The following FAAH2 variants were observed in gnomAD, a reference collection of about 807,000 sequenced individuals.
FAAH2 encodes the protein fatty acid amide hydrolase 2, also known as fatty-acid amide hydrolase 2.
In FAAH2, 60 loss-of-function variants were observed where a neutral mutation model predicts 36.9. The observed-to-expected ratio is 1.63, with a 90% CI of 1.32 to 2.02. FAAH2 has a LOEUF of 2.02. Ranked by LOEUF, FAAH2 falls within the 30% of genes most tolerant of loss-of-function variation. The pLI, the probability that FAAH2 is intolerant of heterozygous loss-of-function variation, is 0.00. For missense variants in FAAH2, 689 were observed against 397.5 expected (o/e 1.73, Z -6.23); for synonymous variants, 214 against 143.8 (o/e 1.49, Z -3.49).
At chrX:57,215,325 A>G in the FAAH2 span, among the ~76,000 whole-genome samples, 2 of 111,520 alleles carry the variant, frequency 1.8e-5, no homozygotes, top group Non-Finnish European at 3.8e-5. Context: ...ACAGATGCTG[A>G]TGAGGCTGTG....
the FAAH2 span, among the ~76,000 whole-genome samples, chrX:57,260,826 C>A: frequency 9.0e-6 from 1 of 110,627 alleles, no homozygotes; most frequent in Non-Finnish European, 1.9e-5. Context: ...CAGAAAAGTG[C>A]AAATTAAAAT....
At chrX:57,223,000 G>T in the FAAH2 span, among the ~76,000 whole-genome samples, 1 of 111,798 alleles carries the variant, frequency 8.9e-6, no homozygotes, top group Non-Finnish European at 1.9e-5. Context: ...TCTTCCTCAA[G>T]CTCTCACTCT....
At chrX:57,441,404 A>G (rs2056551857) in intron 8 of FAAH2, among the ~76,000 whole-genome samples, 2 of 111,312 alleles carry the variant, frequency 1.8e-5, no homozygotes, top group Admixed American at 9.5e-5. Context: ...TGTTTATACT[A>G]TTCTCTGATG....
At chrX:57,442,000 A>C (rs1021806242) in intron 8 of FAAH2, among the ~76,000 whole-genome samples, 7 of 111,794 alleles carry the variant, frequency 6.3e-5, no homozygotes, top group African/African-American at 2.3e-4. Flanking sequence ...CTGTTCTTCT[A>C]CATTTGCTGA....
Position 57,384,025 on chromosome X carries a change from C to T in FAAH2, c.996+2996C>T, listed in dbSNP as rs752133691. ...AGCCCTCAGAAATAATGCCACACAT[C>T]TACAGCTATCTGATCTTTGACAAGC... On this transcript the variant is annotated intron_variant, in intron 7 of 10. Transcript: ENST00000374900. Among the ~76,000 whole-genome samples, 3 of 111,827 alleles carry T rather than the reference C, an allele frequency of 2.7e-5. No homozygotes were observed. The South Asian group carries it at 1.1e-3, about 42-fold the overall frequency.
chrX:57,153,325 T>A, the FAAH2 span, among the ~76,000 whole-genome samples: 2 of 112,254 alleles, frequency 1.8e-5, no homozygotes, highest in African/African-American at 6.5e-5. Flanking sequence ...CATTCTGCAA[T>A]TCTGTATCTT....
At chrX:57,193,274 G>T in the FAAH2 span, among the ~76,000 whole-genome samples, 1 of 111,698 alleles carries the variant, frequency 9.0e-6, no homozygotes, top group Non-Finnish European at 1.9e-5. Flanking sequence ...GTCTCCCATA[G>T]TGCTCCCAGA....
At chrX:57,149,846 G>T in the FAAH2 span, among the ~76,000 whole-genome samples, 1 of 111,099 alleles carries the variant, frequency 9.0e-6, no homozygotes, top group Non-Finnish European at 1.9e-5. Context: ...TTTTAATTGT[G>T]ATATTAGGGT....
intron 5 of FAAH2, among the ~76,000 whole-genome samples, chrX:57,376,727 C>G (rs1016980116): frequency 8.9e-6 from 1 of 111,834 alleles, no homozygotes; most frequent in East Asian, 2.8e-4. Flanking sequence ...GAGGAATCAC[C>G]ACACTGTCTT....
intron 7 of FAAH2, chrX:57,392,503 G>T: frequency 1.4e-6 from 1 of 706,707 alleles, no homozygotes; most frequent in Non-Finnish European, 2.1e-6. Context: ...ATGACATCCG[G>T]GAAAACTCCT....
chrX:57,419,382 G>T (rs2055942765), intron 7 of FAAH2, among the ~76,000 whole-genome samples: 1 of 111,338 alleles, frequency 9.0e-6, no homozygotes, highest in South Asian at 3.8e-4. Context: ...AGCACCTGTT[G>T]TTTCCTGGCT....
chrX:57,279,168 G>A, the FAAH2 span, among the ~76,000 whole-genome samples: 5 of 112,298 alleles, frequency 4.5e-5, no homozygotes, highest in East Asian at 5.6e-4. Flanking sequence ...GTTTATTGTG[G>A]CACTATTCAC....
At chrX:57,287,558 C>T (rs1339176902) in intron 1 of FAAH2, among the ~76,000 whole-genome samples, 1 of 111,889 alleles carries the variant, frequency 8.9e-6, no homozygotes, top group Non-Finnish European at 1.9e-5. Flanking sequence ...TTCTATTTCA[C>T]GGATGCAGTT....
the FAAH2 span, among the ~76,000 whole-genome samples, chrX:57,155,077 G>C: frequency 8.9e-6 from 1 of 112,002 alleles, no homozygotes; most frequent in Non-Finnish European, 1.9e-5. Context: ...ACCTGCTGCT[G>C]TGGGGATGGC....
intron 10 of FAAH2, among the ~76,000 whole-genome samples, chrX:57,488,356 T>C (rs1275004535): frequency 8.9e-6 from 1 of 111,916 alleles, no homozygotes; most frequent in Non-Finnish European, 1.9e-5. Context: ...AAGAATATAT[T>C]ATTCTACTTT....
intron 5 of FAAH2, among the ~76,000 whole-genome samples, chrX:57,363,772 G>A (rs1003094257): frequency 9.0e-6 from 1 of 110,884 alleles, no homozygotes; most frequent in African/African-American, 3.3e-5. Context: ...TTTTAACATT[G>A]GAGGTATGAT....
chrX:57,384,322 A>C (rs976022969), intron 7 of FAAH2, among the ~76,000 whole-genome samples: 1 of 102,832 alleles, frequency 9.7e-6, no homozygotes, highest in East Asian at 3.1e-4. Context: ...AAATTGACAA[A>C]TGGGATCTAA....
At chrX:57,398,667 T>G in intron 7 of FAAH2, among the ~76,000 whole-genome samples, 1 of 111,083 alleles carries the variant, frequency 9.0e-6, no homozygotes, top group South Asian at 3.9e-4. Context: ...ATCCCGATCA[T>G]TGTCCCTCCC....
rs767758715 is a variant in FAAH2 at position 57,488,878 on chromosome X, G to T, written c.1545G>T (p.Val515=). ...GPFNDHLTLA[V]AQYLEKTFGG... Reference sequence around the variant, plus strand: ...TTAATGATCATCTGACCCTGGCTGTGGCCCAGTACTTGGAGAAAACTTTTG... The same window carrying T: ...TTAATGATCATCTGACCCTGGCTGTTGCCCAGTACTTGGAGAAAACTTTTG... Residue 515 remains valine, a synonymous_variant, in exon 11 of 11, where the codon GTG becomes GTT. Coordinates refer to ENST00000374900, the MANE Select transcript of FAAH2 (RefSeq NM_174912.4). 23 of 1,208,822 alleles carry T rather than the reference G, an allele frequency of 1.9e-5. 1 individual carries two copies. The South Asian group carries it at 4.1e-4, about 21-fold the overall frequency.
Sources: allele counts gnomAD v4.1 joint callset (sites outside exome capture counted in the v4.1 genomes callset), GRCh38; gene constraint gnomAD v4.1.1; transcripts MANE v1.5; gene names NCBI Gene and HGNC (gene_info 2026-07-23, HGNC 2026-07-21).